The following CASR variants were observed in gnomAD, a reference collection of about 807,000 sequenced individuals.
The protein encoded by CASR is calcium sensing receptor.
CASR carries 23 observed loss-of-function variants against 69.1 expected under a neutral mutation model. The observed-to-expected ratio is 0.33, with a 90% CI of 0.24 to 0.47. The LOEUF is 0.47. Among genes scored for constraint, CASR ranks in the 20% least tolerant of loss-of-function variants. The pLI, the probability that CASR is intolerant of heterozygous loss-of-function variation, is 1.00. For synonymous variants in CASR, 541 were observed against 544.7 expected (o/e 0.99, Z 0.10); for missense variants, 924 against 1,356.1 (o/e 0.68, Z 5.00).
chr3:122,230,478 G>A lies in CASR; in HGVS notation c.-242-23470G>A, dbSNP rs750151129. Among the ~76,000 whole-genome samples the A allele has an allele frequency of 1.3e-3, 205 of 152,186 alleles. 1 individual carries two copies. The highest frequency in any genetic ancestry group is 1.8e-3 in the Non-Finnish European group (124 of 68,024). On this transcript the variant is annotated intron_variant, in intron 1 of 6. Coordinates refer to ENST00000639785, the MANE Select transcript of CASR (RefSeq NM_000388.4). ...AGCGGGGGCGGGGATGCTGCTGACCGTGGAGAAAGCAACCTCCTTCCCTGA... is the reference window on the plus strand; with the variant it reads ...AGCGGGGGCGGGGATGCTGCTGACCATGGAGAAAGCAACCTCCTTCCCTGA...
chr3:122,265,048 A>G (rs528481861), intron 4 of CASR, among the ~76,000 whole-genome samples: 1 of 152,248 alleles, frequency 6.6e-6, no homozygotes, highest in South Asian at 2.1e-4. Context: ...CCCACACCAG[A>G]AGGGCCATCA....
intron 1 of CASR, among the ~76,000 whole-genome samples, chr3:122,232,988 C>T (rs1288938127): frequency 2.6e-5 from 4 of 152,136 alleles, no homozygotes; most frequent in East Asian, 1.9e-4. Flanking sequence ...AGACAAAAAA[C>T]GTTAACATTG....
chr3:122,230,292 C>T (rs2074266575), intron 1 of CASR, among the ~76,000 whole-genome samples: 1 of 152,202 alleles, frequency 6.6e-6, no homozygotes, highest in South Asian at 2.1e-4. Context: ...GGCCAGAACC[C>T]AAGTCCAGGG....
intron 1 of CASR, among the ~76,000 whole-genome samples, chr3:122,231,060 A>G (rs185963838): frequency 6.6e-5 from 10 of 152,278 alleles, no homozygotes. Flanking sequence ...TTTGAGGGTC[A>G]TCATCCACCT....
At chr3:122,185,660 T>C (rs2073771951) in intron 1 of CASR, among the ~76,000 whole-genome samples, 1 of 152,202 alleles carries the variant, frequency 6.6e-6, no homozygotes, top group South Asian at 2.1e-4. Context: ...AAAACAGAAC[T>C]TCATCAGTCA....
chr3:122,215,108 G>A (rs914823197), intron 1 of CASR, among the ~76,000 whole-genome samples: 1 of 151,002 alleles, frequency 6.6e-6, no homozygotes, highest in East Asian at 1.9e-4. Context: ...GAAAGTCTTT[G>A]CCTATGCACT....
chr3:122,193,176 T>G lies in CASR; in HGVS notation c.-243+9364T>G, dbSNP rs1193119160. ...TTTTTTCATATTATCATTCTCCTAT[T>G]CTTTCATTTCTGGTTTTTTTTTTGT... On this transcript the variant is annotated intron_variant, in intron 1 of 6. Coordinates refer to ENST00000639785, the MANE Select transcript of CASR (RefSeq NM_000388.4). 2.1e-5 allele frequency among the ~76,000 whole-genome samples: 3 copies of G among 145,716 alleles called. No homozygotes were observed. In the Middle Eastern group the frequency reaches 0.01, roughly 506 times the overall value.
chr3:122,262,118 A>G lies in CASR; in HGVS notation c.1083A>G (p.Gln361=). 1 of 1,614,208 alleles carries G rather than the reference A, an allele frequency of 6.2e-7. No homozygotes were observed. The highest frequency in any genetic ancestry group is 8.5e-7 in the Non-Finnish European group (1 of 1,180,036). ...AAGAAACATTTAACTGCCACCTCCA[A>G]GAAGGTGCAAAAGGACCTTTACCTG... ...FWEETFNCHL[Q]EGAKGPLPVD... The change falls in exon 4 of 7, where the codon CAA becomes CAG. Residue 361 remains glutamine, a synonymous_variant. Transcript: ENST00000639785.
At chr3:122,263,434 T>C (rs1355897270) in intron 4 of CASR, among the ~76,000 whole-genome samples, 1 of 152,226 alleles carries the variant, frequency 6.6e-6, no homozygotes, top group Non-Finnish European at 1.5e-5. Flanking sequence ...TAAAAGCAAT[T>C]TGTAAACTTT....
intron 1 of CASR, among the ~76,000 whole-genome samples, chr3:122,236,561 T>C (rs1185787765): frequency 1.3e-5 from 2 of 152,006 alleles, no homozygotes; most frequent in Non-Finnish European, 2.9e-5. Context: ...AAAACAGATA[T>C]AGGTTCTGAA....
chr3:122,260,222 T>C (rs908201931), intron 3 of CASR, among the ~76,000 whole-genome samples: 1 of 152,158 alleles, frequency 6.6e-6, no homozygotes, highest in African/African-American at 2.4e-5. Flanking sequence ...TTGATCAGCT[T>C]CCTCTGTTTG....
intron 5 of CASR, among the ~76,000 whole-genome samples, chr3:122,279,087 C>CT (rs1342690974): frequency 6.6e-6 from 1 of 152,120 alleles, no homozygotes; most frequent in Non-Finnish European, 1.5e-5. Flanking sequence ...TGCAAGTATC[C>CT]TTTGCTCTCT....
At position 122,290,843 on chromosome 3, in the gene CASR, A is replaced by G. The variant is rs1262210488; in HGVS notation, c.*5652A>G. 6.7e-6 allele frequency: 1 copy of G among 149,564 alleles called. No individual in the cohort carries two copies. The highest frequency in any genetic ancestry group is 1.5e-5 in the Non-Finnish European group (1 of 67,436). The allele number at this position is 149,564 out of a possible 1,614,324, so 9.3% of individuals were successfully genotyped here. On this transcript the variant is annotated 3_prime_UTR_variant, in exon 7 of 7. Transcript: ENST00000639785. Reference sequence around the variant, plus strand: ...TGCTGTACCCATTAACTCGTCATTTACCATTAGGTATATCTCCTAATGCTA... The same window carrying G: ...TGCTGTACCCATTAACTCGTCATTTGCCATTAGGTATATCTCCTAATGCTA...
intron 1 of CASR, among the ~76,000 whole-genome samples, chr3:122,210,131 A>G (rs2074048538): frequency 6.6e-6 from 1 of 152,238 alleles, no homozygotes; most frequent in African/African-American, 2.4e-5. Context: ...AGCCAATATC[A>G]TACTGAATGG....
intron 1 of CASR, among the ~76,000 whole-genome samples, chr3:122,238,624 T>C (rs1296712468): frequency 5.3e-5 from 8 of 152,052 alleles, no homozygotes; most frequent in Admixed American, 5.2e-4. Context: ...TCTACCCATC[T>C]CCCAACCCCA....
At chr3:122,189,353 G>A (rs2073818685) in intron 1 of CASR, among the ~76,000 whole-genome samples, 1 of 152,148 alleles carries the variant, frequency 6.6e-6, no homozygotes, top group African/African-American at 2.4e-5. Context: ...GCGTATGGTG[G>A]GTGCTTAACT....
intron 1 of CASR, among the ~76,000 whole-genome samples, chr3:122,243,430 C>T (rs569380645): frequency 6.6e-6 from 1 of 152,252 alleles, no homozygotes; most frequent in Admixed American, 6.5e-5. Flanking sequence ...AGGTGCTCAA[C>T]ATCACTGATC....
At chr3:122,229,103 T>C (rs1034715247) in intron 1 of CASR, among the ~76,000 whole-genome samples, 2 of 152,218 alleles carry the variant, frequency 1.3e-5, no homozygotes, top group African/African-American at 2.4e-5. Context: ...AACTCCCTGA[T>C]TAAACTTAAG....
At chr3:122,221,887 G>T (rs2074175433) in intron 1 of CASR, among the ~76,000 whole-genome samples, 1 of 152,102 alleles carries the variant, frequency 6.6e-6, no homozygotes, top group Non-Finnish European at 1.5e-5. Flanking sequence ...TTTACCTATT[G>T]CTCACCTCCC....
Sources: allele counts gnomAD v4.1 joint callset (sites outside exome capture counted in the v4.1 genomes callset), GRCh38; gene constraint gnomAD v4.1.1; transcripts MANE v1.5; gene names NCBI Gene and HGNC (gene_info 2026-07-23, HGNC 2026-07-21).